The following IGFBP6 variants were observed in gnomAD, a reference collection of about 807,000 sequenced individuals.
IGFBP6 encodes insulin-like growth factor-binding protein 6.
In IGFBP6, 24 loss-of-function variants were observed where a neutral mutation model predicts 24.5. The observed-to-expected ratio is 0.98, with a 90% CI of 0.71 to 1.38. The LOEUF is 1.38. IGFBP6 is among the 40% of genes most tolerant of loss of function. The probability of loss-of-function intolerance (pLI) is 0.00; values close to 1 mark genes in which losing one functional copy is unlikely to be tolerated. For synonymous variants in IGFBP6, 147 were observed against 137.4 expected (o/e 1.07, Z -0.49); for missense variants, 331 against 324.8 (o/e 1.02, Z -0.15).
chr12:53,100,881 C>T, intron 2 of IGFBP6, 24 bp downstream of exon 2: 1 of 1,613,656 alleles, frequency 6.2e-7, no homozygotes, highest in Non-Finnish European at 8.5e-7. Context: ...TGGTAGGGAG[C>T]AGGAGGGGTG....
At position 53,098,031 on chromosome 12, in the gene IGFBP6, T is replaced by C; in HGVS notation, c.314T>C (p.Leu105Pro). The change falls in exon 1 of 4, where the codon CTT becomes CCT. Residue 105 changes from leucine (L) to proline (P), a missense_variant. By Grantham distance (98) the Leu-to-Pro change is moderately conservative (BLOSUM62 -3). Transcript: ENST00000301464. ...CTGCTGCTCGGCCGAGGCCGCTGCC[T>C]TCCGGCCCGCGCGCCTGCTGGTGAG... ...RALLLGRGRC[L>P]PARAPAVAEE... is the part of the protein sequence containing the mutation. 1 of 1,473,770 alleles carries C rather than the reference T, an allele frequency of 6.8e-7. No individual in the cohort carries two copies. Among genetic ancestry groups the C allele is most frequent in the Non-Finnish European group, 8.9e-7 (1 of 1,122,846 alleles). The allele number at this position is 1,473,770 out of a possible 1,614,324, so 91.3% of individuals were successfully genotyped here. A position where few individuals can be genotyped will look rare whatever the true frequency, so the allele number is the denominator to read the frequency against.
chr12:53,097,925 G>A lies in IGFBP6; in HGVS notation c.208G>A (p.Glu70Lys), dbSNP rs780921857. 1 of 1,514,272 alleles carries A rather than the reference G, an allele frequency of 6.6e-7. No individual in the cohort carries two copies. The highest frequency in any genetic ancestry group is 8.8e-7 in the Non-Finnish European group (1 of 1,134,892). 93.8% of individuals were successfully genotyped at this position (1,514,272 alleles called of 1,614,324 possible). Residue 70 changes from glutamate to lysine, a missense_variant, in exon 1 of 4, where the codon GAG becomes AAG. Transcript: ENST00000301464. ...GGGCTGTCTCAGGAGGGAGGGGCAG[G>A]AGTGCGGGGTCTACACCCCTAACTG... ...AEGCLRREGQECGVYTPNCAP... is the reference protein window; with the variant it reads ...AEGCLRREGQKCGVYTPNCAP...
At chr12:53,101,918 A>G in intron 3 of IGFBP6, 127 bp from the exon 4 acceptor site, 1 of 844,214 alleles carries the variant, frequency 1.2e-6, no homozygotes, top group Non-Finnish European at 1.7e-6. Flanking sequence ...AAAAAAAAAA[A>G]AAAAAAGAGA....
Position 53,100,843 on chromosome 12 carries a change from C to G in IGFBP6, c.466C>G (p.Gln156Glu). 1.9e-6 allele frequency: 3 copies of G among 1,614,186 alleles called. No individual in the cohort carries two copies. Among genetic ancestry groups the G allele is most frequent in the Non-Finnish European group, 2.5e-6 (3 of 1,180,032 alleles). The change falls in exon 2 of 4, where the codon CAA becomes GAA. Residue 156 changes from glutamine (Q) to glutamate (E), a missense_variant. Coordinates refer to ENST00000301464, the MANE Select transcript of IGFBP6 (RefSeq NM_002178.3). ...TPSQPNSAGV[Q>E]DTEMGPCRRH... Reference sequence around the variant, plus strand: ...CTCCCAGCCCAATTCTGCGGGTGTCCAAGACACTGAGATGGTGCGTTTGGA... The same window carrying G: ...CTCCCAGCCCAATTCTGCGGGTGTCGAAGACACTGAGATGGTGCGTTTGGA...
At chr12:53,099,756 T>C (rs1478471376) in intron 1 of IGFBP6, among the ~76,000 whole-genome samples, 1 of 151,880 alleles carries the variant, frequency 6.6e-6, no homozygotes, top group East Asian at 1.9e-4. Flanking sequence ...AATTAGTTAA[T>C]TTTTTAAAAT....
intron 1 of IGFBP6, among the ~76,000 whole-genome samples, 173 bp from the exon 2 acceptor site, chr12:53,100,539 T>C (rs1937809170): frequency 6.6e-6 from 1 of 152,266 alleles, no homozygotes; most frequent in Admixed American, 6.5e-5. Flanking sequence ...CTGGGGAATA[T>C]TGTCAGGAAA....
At chr12:53,098,169 C>G in intron 1 of IGFBP6, 118 bp downstream of exon 1, 1 of 1,211,308 alleles carries the variant, frequency 8.3e-7, no homozygotes, top group Non-Finnish European at 1.1e-6. Context: ...CTTGACGCTT[C>G]CGACTTTGGG....
chr12:53,099,406 G>A (rs1307068895), intron 1 of IGFBP6: 1 of 441,060 alleles, frequency 2.3e-6, no homozygotes, highest in African/African-American at 2.0e-5. Flanking sequence ...GTGCTCCTGG[G>A]ACCACTGGGG....
At chr12:53,098,139 C>A in intron 1 of IGFBP6, 88 bp downstream of exon 1, 2 of 1,334,552 alleles carry the variant, frequency 1.5e-6, no homozygotes, top group South Asian at 1.8e-5. Context: ...GGTGGCCCGG[C>A]AAGCCTTTCC....
chr12:53,099,347 C>A (rs1038907622), intron 1 of IGFBP6: 2 of 455,712 alleles, frequency 4.4e-6, no homozygotes, highest in South Asian at 3.1e-5. Context: ...TCATTCCTTG[C>A]ACCTTCTTAA....
intron 1 of IGFBP6, among the ~76,000 whole-genome samples, chr12:53,098,473 G>A (rs561848669): frequency 3.9e-5 from 6 of 152,274 alleles, no homozygotes; most frequent in South Asian, 2.1e-4. Flanking sequence ...AAAGGGGAGG[G>A]GAACCCCAGA....
In IGFBP6 at chr12:53,102,162, G is replaced by T. The variant is rs149870633; in HGVS notation, c.718G>T (p.Gly240Cys). The T allele has an allele frequency of 6.2e-7, 1 of 1,613,920 alleles. No individual in the cohort carries two copies. The highest frequency in any genetic ancestry group is 1.7e-5 in the Admixed American group (1 of 60,006). Residue 240 changes from glycine to cysteine, a missense_variant, in exon 4 of 4, where the codon GGC becomes TGC. Coordinates refer to ENST00000301464, the MANE Select transcript of IGFBP6 (RefSeq NM_002178.3). ...GSSSCPTGSSG is the reference protein window; with the variant it reads ...GSSSCPTGSSC ...CTCCTCCTGCCCCACTGGGAGTAGC[G>T]GCTAAAGCTGGGGGATAGAGGGGCT...
intron 1 of IGFBP6, among the ~76,000 whole-genome samples, 195 bp from the exon 2 acceptor site, chr12:53,100,517 G>A (rs1210822945): frequency 1.3e-5 from 2 of 152,210 alleles, no homozygotes; most frequent in Admixed American, 6.5e-5. Flanking sequence ...TTAAAAATCA[G>A]TATGGGAAAT....
intron 1 of IGFBP6, chr12:53,099,107 G>A (rs1208355970): frequency 2.1e-5 from 6 of 288,988 alleles, no homozygotes; most frequent in Admixed American, 1.3e-4. Flanking sequence ...CCTGGGTTGT[G>A]AGTGGTAGTT....
chr12:53,099,745 A>AAATTAGTTATTTTTTTAAAATTAAGT (rs1937795971), intron 1 of IGFBP6, among the ~76,000 whole-genome samples: 1 of 149,198 alleles, frequency 6.7e-6, no homozygotes, highest in Admixed American at 6.6e-5. Flanking sequence ...ATTGATTTTT[A>AAATTAGTTATTTTTTTAAAATTAAGT]AATTAGTTAA....
chr12:53,097,822 G>T lies in IGFBP6; in HGVS notation c.105G>T (p.Gly35=). 1 of 1,539,252 alleles carries T rather than the reference G, an allele frequency of 6.5e-7. No individual in the cohort carries two copies. Among genetic ancestry groups the T allele is most frequent in the Non-Finnish European group, 8.7e-7 (1 of 1,144,640 alleles). ...ALARCPGCGQ[G]VQAGCPGGCV... ...CGCGGTGCCCAGGCTGCGGGCAAGG[G>T]GTGCAGGCGGGTTGTCCAGGGGGCT... The change falls in exon 1 of 4, where the codon GGG becomes GGT. Residue 35 remains glycine, a synonymous_variant. Coordinates refer to ENST00000301464, the MANE Select transcript of IGFBP6 (RefSeq NM_002178.3).
chr12:53,099,138 G>A (rs1937786188), intron 1 of IGFBP6: 2 of 297,504 alleles, frequency 6.7e-6, no homozygotes, highest in Non-Finnish European at 1.4e-5. Context: ...TTGTCTTTAG[G>A]CACAGAGGAA....
At chr12:53,100,894 A>C (rs199573109) in intron 2 of IGFBP6, 37 bp downstream of exon 2, 18 of 1,612,964 alleles carry the variant, frequency 1.1e-5, no homozygotes, top group South Asian at 9.9e-5. Flanking sequence ...GAGGGGTGGG[A>C]AGCCCTGGAG....
intron 1 of IGFBP6, 107 bp downstream of exon 1, chr12:53,098,158 C>T (rs1937773781): frequency 4.7e-6 from 6 of 1,265,722 alleles, no homozygotes; most frequent in Non-Finnish European, 6.1e-6. Flanking sequence ...CCGCCCTGGC[C>T]CTTGACGCTT....
Sources: allele counts gnomAD v4.1 joint callset (sites outside exome capture counted in the v4.1 genomes callset), GRCh38; gene constraint gnomAD v4.1.1; transcripts MANE v1.5; gene names NCBI Gene and HGNC (gene_info 2026-07-23, HGNC 2026-07-21).